Variants in CFAP54 observed in about 807,000 individuals in gnomAD.
CFAP54 encodes the protein cilia- and flagella-associated protein 54.
CFAP54 carries 290 observed loss-of-function variants against 370.4 expected under a neutral mutation model. The observed-to-expected ratio is 0.78, with a 90% CI of 0.71 to 0.86. The LOEUF (loss-of-function observed/expected upper bound fraction) is 0.86. CFAP54 is among the 40% of genes least tolerant of loss of function. The pLI is 0.00. For synonymous variants in CFAP54, 1,206 were observed against 1,236.5 expected, an observed-to-expected ratio of 0.98 and a Z score of 0.52; for missense variants, 3,399 against 3,528.7, an observed-to-expected ratio of 0.96 and a Z score of 0.93.
chr12:96,651,779 C>A lies in CFAP54; in HGVS notation c.5064C>A (p.Asp1688Glu), dbSNP rs1183237987. Residue 1688 changes from aspartate to glutamate, a missense_variant, in exon 36 of 68, where the codon GAC becomes GAA. This residue lies in a region of CFAP54 where 2,796 missense variants were observed against 2,869.7 expected (regional missense o/e 0.97). Coordinates refer to ENST00000524981, the MANE Select transcript of CFAP54 (RefSeq NM_001306084.2). ...PFYLGAELLI[D>E]MLIQLQNTSS... ...ATTTGGGAGCAGAATTACTTATTGA[C>A]ATGTTAATACAACTACAAAATACCA... 4 of 1,609,116 alleles carry A rather than the reference C, an allele frequency of 2.5e-6. No homozygotes were observed. In the African/African-American group the frequency reaches 5.3e-5, roughly 22 times the overall value.
chr12:96,571,056 G>A (rs1955912341), intron 19 of CFAP54, among the ~76,000 whole-genome samples: 1 of 152,180 alleles, frequency 6.6e-6, no homozygotes, highest in Non-Finnish European at 1.5e-5. Context: ...TACCAGATAT[G>A]TAGGAAATAT....
At chr12:96,718,293 A>G in intron 48 of CFAP54, 150 bp from the exon 49 acceptor site, 1 of 525,714 alleles carries the variant, frequency 1.9e-6, no homozygotes, top group Non-Finnish European at 3.5e-6. Context: ...CAGGAGGTGA[A>G]GGTTGCAGTG....
At position 96,780,261 on chromosome 12, in the gene CFAP54, CA is replaced by C. The variant is rs1958568147; in HGVS notation, c.8282-4451del. Reference sequence around the variant, plus strand: ...TCAGTTTTAGAAATCTTTTCCTAAACAAAAATCATAAAGGTACCTTCTATGT... The same window carrying C: ...TCAGTTTTAGAAATCTTTTCCTAAACAAAATCATAAAGGTACCTTCTATGT... On this transcript the variant is annotated intron_variant, in intron 60 of 67. Transcript: ENST00000524981. Among the ~76,000 whole-genome samples, 7 of 152,200 alleles carry C rather than the reference CA, an allele frequency of 4.6e-5. No individual in the cohort carries two copies. In the South Asian group the frequency reaches 1.4e-3, roughly 32 times the overall value.
At chr12:96,632,534 A>G (rs1426492176) in intron 32 of CFAP54, among the ~76,000 whole-genome samples, 1 of 151,984 alleles carries the variant, frequency 6.6e-6, no homozygotes, top group Non-Finnish European at 1.5e-5. Flanking sequence ...TGTTAACTTT[A>G]TCACTTAACA....
At position 96,554,267 on chromosome 12, in the gene CFAP54, C is replaced by CT; in HGVS notation, c.2243dup (p.Leu748PhefsTer9). 2 of 1,528,590 alleles carry CT rather than the reference C, an allele frequency of 1.3e-6. No homozygotes were observed. Among genetic ancestry groups the CT allele is most frequent in the Non-Finnish European group, 1.7e-6 (2 of 1,143,386 alleles). 94.7% of individuals were successfully genotyped at this position (1,528,590 alleles called of 1,614,324 possible). A position where few individuals can be genotyped will look rare whatever the true frequency, so the allele number is the denominator to read the frequency against. ...ATAAATTTGAATTGCATGTTAACCT[C>CT]TTTGCCAAATGGATCATCAGTAATT... is the stretch of plus-strand genomic sequence containing the variant. On this transcript the variant is annotated frameshift_variant, in exon 16 of 68. Transcript: ENST00000524981. LOFTEE classifies it high-confidence loss of function.
intron 50 of CFAP54, among the ~76,000 whole-genome samples, chr12:96,735,514 G>A (rs530595646): frequency 2.0e-5 from 3 of 152,300 alleles, no homozygotes; most frequent in South Asian, 2.1e-4. Context: ...CAGTGATTCT[G>A]TAAAAATGAC....
At chr12:96,726,448 C>T (rs1243375932) in intron 50 of CFAP54, among the ~76,000 whole-genome samples, 2 of 152,154 alleles carry the variant, frequency 1.3e-5, no homozygotes, top group Non-Finnish European at 2.9e-5. Context: ...TCTAGATTTT[C>T]TAGTTTATTT....
chr12:96,729,944 T>TA (rs1957900474), intron 50 of CFAP54, among the ~76,000 whole-genome samples: 1 of 152,148 alleles, frequency 6.6e-6, no homozygotes, highest in Non-Finnish European at 1.5e-5. Context: ...TGAGAGATGA[T>TA]AATGAAAAAG....
chr12:96,591,886 G>A (rs1328093386), intron 23 of CFAP54, among the ~76,000 whole-genome samples: 2 of 141,110 alleles, frequency 1.4e-5, no homozygotes, highest in African/African-American at 5.3e-5. Flanking sequence ...GCGAAACTCC[G>A]TCTCAAAAAA....
chr12:96,726,512 G>A (rs756569983), intron 50 of CFAP54, among the ~76,000 whole-genome samples: 19 of 152,092 alleles, frequency 1.2e-4, no homozygotes, highest in Non-Finnish European at 2.4e-4. Flanking sequence ...ATGTGGGATC[G>A]GTGGTGATAA....
chr12:96,684,362 G>A (rs984922461), intron 40 of CFAP54, among the ~76,000 whole-genome samples: 8 of 152,034 alleles, frequency 5.3e-5, no homozygotes, highest in African/African-American at 1.2e-4. Context: ...CTTGCATGCC[G>A]TTTCTAAGTT....
rs184208491 is a variant in CFAP54 at position 96,600,476 on chromosome 12, T to C, written c.3639+1709T>C. ...ATTGTCTTGGCTATGTGGACTCTTT[T>C]TTGGTTTCCTATAAAACTTAAAGTA... On this transcript the variant is annotated intron_variant, in intron 26 of 67. Coordinates refer to ENST00000524981, the MANE Select transcript of CFAP54 (RefSeq NM_001306084.2). Among the ~76,000 whole-genome samples, 4 of 152,372 alleles carry C rather than the reference T, an allele frequency of 2.6e-5. No individual in the cohort carries two copies. In the East Asian group the frequency reaches 7.7e-4, roughly 29 times the overall value.
chr12:96,817,459 C>G (rs1204691991), intron 64 of CFAP54, among the ~76,000 whole-genome samples: 1 of 150,798 alleles, frequency 6.6e-6, no homozygotes, highest in Non-Finnish European at 1.5e-5. Context: ...CTCGCTCTGT[C>G]GCCCAGGCTG....
rs1407902760 is a variant in CFAP54 at position 96,666,531 on chromosome 12, G to A, written c.5563+2599G>A. 2.0e-5 allele frequency among the ~76,000 whole-genome samples: 3 copies of A among 152,178 alleles called. No homozygotes were observed. In the South Asian group the frequency reaches 6.2e-4, roughly 32 times the overall value. On this transcript the variant is annotated intron_variant, in intron 39 of 67. Transcript: ENST00000524981. ...AATCACGGAAGAAGGCAAAGGAGGA[G>A]CAAAGGCACATCTTACATGGCGGCA...
chr12:96,600,400 AATTTG>A (rs1367429746), intron 26 of CFAP54, among the ~76,000 whole-genome samples: 1 of 152,132 alleles, frequency 6.6e-6, no homozygotes, highest in African/African-American at 2.4e-5. Flanking sequence ...CTTGTAGTAT[AATTTG>A]AAGTCAGGTA....
Position 96,533,859 on chromosome 12 carries a change from A to C in CFAP54, c.1425A>C (p.Gly475=), listed in dbSNP as rs73235078. The stretch of plus-strand genomic sequence containing the variant: ...CATCTCTTCTGGAACTTATGATAGG[A>C]AGAAAAGATGTTATTTCTGTGGATG... ...PKTSLLELMI[G]RKDVISVDAA... is the part of the protein sequence containing the mutation. Residue 475 remains glycine (G), a synonymous_variant, in exon 10 of 68, where the codon GGA becomes GGC. Coordinates refer to ENST00000524981, the MANE Select transcript of CFAP54 (RefSeq NM_001306084.2). The C allele has an allele frequency of 0.025, 38,156 of 1,535,048 alleles. 591 individuals carry two copies. Among genetic ancestry groups the C allele is most frequent in the Non-Finnish European group, 0.029 (33,388 of 1,146,226 alleles).
intron 63 of CFAP54, among the ~76,000 whole-genome samples, chr12:96,804,680 A>G (rs924291151): frequency 1.2e-4 from 19 of 152,080 alleles, no homozygotes; most frequent in African/African-American, 4.6e-4. Context: ...TACTAAAATG[A>G]CCATACTGCC....
chr12:96,744,188 A>C (rs1476678610), intron 55 of CFAP54, 42 bp downstream of exon 55: 4 of 1,529,358 alleles, frequency 2.6e-6, no homozygotes, highest in East Asian at 4.5e-5. Context: ...ATAACTGATA[A>C]AACTTTTTAA....
At chr12:96,643,449 C>G (rs1056373611) in intron 32 of CFAP54, among the ~76,000 whole-genome samples, 1 of 151,786 alleles carries the variant, frequency 6.6e-6, no homozygotes, top group Non-Finnish European at 1.5e-5. Context: ...ATATAAGTGA[C>G]CAACATAAAT....
Sources: gnomAD v4.1 joint callset for allele counts (sites outside exome capture counted in the v4.1 genomes callset) on GRCh38, gnomAD v4.1.1 for gene constraint, gnomAD v4.1.1 regional missense constraint, MANE v1.5 for transcripts, NCBI Gene and HGNC (gene_info 2026-07-23, HGNC 2026-07-21) for gene names.